Variants in NALF1 observed in about 807,000 individuals in gnomAD.
NALF1 encodes family with sequence similarity 155 member A.
Under a neutral mutation model 48.4 loss-of-function variants are expected in NALF1, and 3 were observed. The observed-to-expected ratio is 0.06, with a 90% confidence interval of 0.03 to 0.16. The LOEUF is 0.16. Ranked by LOEUF, NALF1 falls within the 10% of genes least tolerant of loss-of-function variation. NALF1 has a pLI of 1.00. For synonymous variants in NALF1, 262 were observed against 245.7 expected (o/e 1.07, Z -0.62); for missense variants, 526 against 571.5 (o/e 0.92, Z 0.81).
At chr13:107,554,880 C>T (rs931227400) in intron 1 of NALF1, among the ~76,000 whole-genome samples, 44 of 152,192 alleles carry the variant, frequency 2.9e-4, no homozygotes, top group African/African-American at 9.2e-4. Flanking sequence ...CAGGGTATAA[C>T]TCCAGAGTAC....
chr13:107,656,319 C>T (rs9559122), intron 1 of NALF1, among the ~76,000 whole-genome samples: 71,021 of 151,736 alleles, frequency 0.47, 16,925 homozygotes, highest in East Asian at 0.65. Context: ...AAGAAAACCA[C>T]AAACAATCCC....
chr13:107,353,574 G>C (rs1378399112), intron 1 of NALF1, among the ~76,000 whole-genome samples: 1 of 152,184 alleles, frequency 6.6e-6, no homozygotes, highest in African/African-American at 2.4e-5. Flanking sequence ...TTCATAAGAA[G>C]TTCATAATTC....
intron 1 of NALF1, among the ~76,000 whole-genome samples, chr13:107,422,473 GTCA>G (rs71121528): frequency 6.2e-4 from 94 of 151,138 alleles, no homozygotes; most frequent in African/African-American, 1.3e-3. Context: ...AATCATAACA[GTCA>G]TCATCATCAT....
At chr13:107,234,683 T>C (rs1880302943) in intron 1 of NALF1, among the ~76,000 whole-genome samples, 1 of 150,826 alleles carries the variant, frequency 6.6e-6, no homozygotes, top group African/African-American at 2.5e-5. Flanking sequence ...AAGTCCTTGC[T>C]ACTGTATCCA....
At chr13:107,290,773 T>C (rs1280198932) in intron 1 of NALF1, among the ~76,000 whole-genome samples, 1 of 152,180 alleles carries the variant, frequency 6.6e-6, no homozygotes, top group East Asian at 1.9e-4. Context: ...AGTAAACAAA[T>C]TGACACTGAG....
chr13:107,292,475 T>A lies in NALF1; in HGVS notation c.916-81720A>T, dbSNP rs913830365. Among the ~76,000 whole-genome samples, 13 of 148,586 alleles carry A rather than the reference T, an allele frequency of 8.7e-5. No individual in the cohort carries two copies. In the East Asian group the frequency reaches 1.4e-3, roughly 15 times the overall value. ...TTTATATGCTTATTTATAGCTTTTA[T>A]CTATATTCCATTTTTAATTTTTAAA... is the stretch of plus-strand genomic sequence containing the variant. On this transcript the variant is annotated intron_variant, in intron 1 of 2. Coordinates refer to ENST00000375915, the MANE Select transcript of NALF1 (RefSeq NM_001080396.3).
intron 1 of NALF1, among the ~76,000 whole-genome samples, chr13:107,769,805 G>A (rs1315482647): frequency 6.6e-6 from 1 of 152,080 alleles, no homozygotes; most frequent in Non-Finnish European, 1.5e-5. Flanking sequence ...AAGTTTTGCT[G>A]TCTGAGCCTA....
intron 1 of NALF1, among the ~76,000 whole-genome samples, chr13:107,454,779 T>C (rs184820055): frequency 1.3e-5 from 2 of 152,328 alleles, no homozygotes; most frequent in Admixed American, 1.3e-4. Context: ...CCCTTCTGGA[T>C]AGAACATGGT....
intron 1 of NALF1, among the ~76,000 whole-genome samples, chr13:107,553,484 A>C (rs1408660112): frequency 6.6e-6 from 1 of 152,228 alleles, no homozygotes; most frequent in Non-Finnish European, 1.5e-5. Context: ...TTACATGTGT[A>C]ATTTTATCTT....
At chr13:107,636,355 C>T (rs1261198553) in intron 1 of NALF1, among the ~76,000 whole-genome samples, 2 of 152,084 alleles carry the variant, frequency 1.3e-5, no homozygotes, top group Admixed American at 6.6e-5. Context: ...AAACACAAAT[C>T]GTTTGGAATT....
At chr13:107,678,745 G>A (rs768902676) in intron 1 of NALF1, among the ~76,000 whole-genome samples, 5 of 152,202 alleles carry the variant, frequency 3.3e-5, no homozygotes, top group African/African-American at 9.6e-5. Context: ...AAGGAGAAAT[G>A]CTGAGTGAAT....
chr13:107,685,258 G>A (rs1296716678), intron 1 of NALF1, among the ~76,000 whole-genome samples: 1 of 152,134 alleles, frequency 6.6e-6, no homozygotes, highest in Admixed American at 6.5e-5. Context: ...AGGGTGCAGT[G>A]AGCCAAGACC....
At chr13:107,300,134 T>C (rs1594110409) in intron 1 of NALF1, among the ~76,000 whole-genome samples, 2 of 152,232 alleles carry the variant, frequency 1.3e-5, no homozygotes, top group South Asian at 4.1e-4. Context: ...AAATACCAAC[T>C]GAATCCATTC....
At chr13:107,732,333 T>A (rs961626104) in intron 1 of NALF1, among the ~76,000 whole-genome samples, 1 of 152,172 alleles carries the variant, frequency 6.6e-6, no homozygotes, top group South Asian at 2.1e-4. Flanking sequence ...CATATATGGT[T>A]TGCACTCATT....
At chr13:107,479,972 T>C (rs866822460) in intron 1 of NALF1, among the ~76,000 whole-genome samples, 1 of 152,212 alleles carries the variant, frequency 6.6e-6, no homozygotes, top group South Asian at 2.1e-4. Flanking sequence ...AAGAAGGAGA[T>C]TGACACTACG....
At position 107,867,006 on chromosome 13, in the gene NALF1, G is replaced by C. The variant is rs1442262113; in HGVS notation, c.-410C>G. ...GTGACAGGGTGGCTGGCGCGGCTCC[G>C]GTCACCCAGGCATTGTCAGCGCGCG... On this transcript the variant is annotated 5_prime_UTR_variant, in exon 1 of 3. Transcript: ENST00000375915. The surrounding 1 kb of genome is among the most constrained non-coding windows in gnomAD (Gnocchi z 4.4). Among the ~76,000 whole-genome samples the C allele has an allele frequency of 6.6e-6, 1 of 151,720 alleles. No homozygotes were observed. Among genetic ancestry groups the C allele is most frequent in the Non-Finnish European group, 1.5e-5 (1 of 67,900 alleles).
intron 1 of NALF1, among the ~76,000 whole-genome samples, chr13:107,450,380 G>C (rs546088234): frequency 6.6e-6 from 1 of 152,282 alleles, no homozygotes; most frequent in African/African-American, 2.4e-5. Context: ...GCATGGGAGG[G>C]AGTGGTCAGG....
chr13:107,287,541 A>G (rs761639864), intron 1 of NALF1, among the ~76,000 whole-genome samples: 5 of 152,188 alleles, frequency 3.3e-5, no homozygotes, highest in African/African-American at 4.8e-5. Context: ...GAATTTTTAC[A>G]GCATTTCTGA....
At chr13:107,287,706 C>CCTT (rs1555330543) in intron 1 of NALF1, among the ~76,000 whole-genome samples, 2 of 127,908 alleles carry the variant, frequency 1.6e-5, no homozygotes, top group Non-Finnish European at 3.2e-5. Context: ...TCTTTTCTTT[C>CCTT]TTTTTTTTTT....
Sources: allele counts gnomAD v4.1 joint callset (sites outside exome capture counted in the v4.1 genomes callset), GRCh38; gene constraint gnomAD v4.1.1; non-coding constraint Gnocchi (gnomAD v3.1); transcripts MANE v1.5; gene names NCBI Gene and HGNC (gene_info 2026-07-23, HGNC 2026-07-21).